Variants in RPTOR observed in about 807,000 individuals in gnomAD.
RPTOR encodes regulatory associated protein of MTOR complex 1.
In RPTOR, 21 loss-of-function variants were observed where a neutral mutation model predicts 169.9. The ratio of observed to expected loss-of-function variants is 0.12; its 90% confidence interval spans 0.09 to 0.18. The LOEUF (loss-of-function observed/expected upper bound fraction) is 0.18, where lower values mean the gene tolerates loss of function less well. Among genes scored for constraint, RPTOR ranks in the 10% least tolerant of loss-of-function variants. The pLI, the probability that RPTOR is intolerant of heterozygous loss-of-function variation, is 1.00. For missense variants in RPTOR, 1,133 were observed against 1,855.9 expected (o/e 0.61, Z 7.16); for synonymous variants, 732 against 753.2 (o/e 0.97, Z 0.46).
chr17:80,549,440 G>A (rs1358030595), intron 1 of RPTOR, among the ~76,000 whole-genome samples: 1 of 152,118 alleles, frequency 6.6e-6, no homozygotes, highest in Non-Finnish European at 1.5e-5. Flanking sequence ...CTCCCGAGTA[G>A]CTGGGATTAC....
intron 28 of RPTOR, among the ~76,000 whole-genome samples, chr17:80,956,005 C>T (rs1342354021): frequency 2.0e-5 from 3 of 152,144 alleles, no homozygotes; most frequent in Non-Finnish European, 2.9e-5. Flanking sequence ...TCCTCAAAGC[C>T]TAACATTAAA....
Position 80,811,957 on chromosome 17 carries a change from T to A in RPTOR, c.891-10244T>A, listed in dbSNP as rs1418460068. On this transcript the variant is annotated intron_variant, in intron 7 of 33. Coordinates refer to ENST00000306801, the MANE Select transcript of RPTOR (RefSeq NM_020761.3). Reference sequence around the variant, plus strand: ...CTCTCCAACAAGGCTTAAACCTCACTCCACCCGTGGGACACAGCCACAGCC... The same window carrying A: ...CTCTCCAACAAGGCTTAAACCTCACACCACCCGTGGGACACAGCCACAGCC... 4.0e-5 allele frequency among the ~76,000 whole-genome samples: 6 copies of A among 151,546 alleles called. No homozygotes were observed. In the East Asian group the frequency reaches 1.2e-3, roughly 30 times the overall value.
At chr17:80,601,444 G>A (rs2065186132) in intron 1 of RPTOR, among the ~76,000 whole-genome samples, 1 of 152,138 alleles carries the variant, frequency 6.6e-6, no homozygotes, top group African/African-American at 2.4e-5. Flanking sequence ...GGGATGGCTG[G>A]TCAGGCCCCG....
chr17:80,548,693 T>A (rs555440151), intron 1 of RPTOR, among the ~76,000 whole-genome samples: 1 of 152,028 alleles, frequency 6.6e-6, no homozygotes, highest in Non-Finnish European at 1.5e-5. Flanking sequence ...TTTTGACCAG[T>A]GGGTTACCTA....
At chr17:80,808,237 C>A (rs2067239125) in intron 7 of RPTOR, among the ~76,000 whole-genome samples, 1 of 152,076 alleles carries the variant, frequency 6.6e-6, no homozygotes, top group Non-Finnish European at 1.5e-5. Flanking sequence ...CCAGCCTGAG[C>A]AACATAGCAA....
chr17:80,961,806 C>A, intron 31 of RPTOR: 1 of 328,238 alleles, frequency 3.0e-6, no homozygotes, highest in South Asian at 5.8e-5. Flanking sequence ...GGCGCGTCTG[C>A]CAGGCACGTG....
intron 5 of RPTOR, among the ~76,000 whole-genome samples, chr17:80,733,341 A>T (rs117635805): frequency 0.057 from 8,701 of 152,328 alleles, 330 homozygotes; most frequent in Middle Eastern, 0.1. Context: ...CTCCGCTTTC[A>T]GTCTTCTTTT....
In RPTOR at chr17:80,708,623, G is replaced by GT. The variant is rs1478115313; in HGVS notation, c.507+625dup. Among the ~76,000 whole-genome samples, 10,757 of 135,766 alleles carry GT rather than the reference G, an allele frequency of 0.079. 716 individuals are homozygous for GT. Among genetic ancestry groups the GT allele is most frequent in the African/African-American group, 0.14 (4,343 of 31,732 alleles). The allele number at this position is 135,766 out of a possible 152,430, so 89.1% of individuals were successfully genotyped here. A position where few individuals can be genotyped will look rare whatever the true frequency, so the allele number is the denominator to read the frequency against. ...CTCCAGGGTGTGGTGGGTGCTGACT[G>GT]TCTCCTCATCCTCCAGGGTGTGGTG... On this transcript the variant is annotated intron_variant, in intron 4 of 33. Transcript: ENST00000306801. This position sits in a 1 kb window ranked among gnomAD's most constrained non-coding sequence, Gnocchi z 4.2.
At chr17:80,624,639 A>G (rs970809241) in intron 1 of RPTOR, among the ~76,000 whole-genome samples, 3 of 152,222 alleles carry the variant, frequency 2.0e-5, no homozygotes, top group Non-Finnish European at 4.4e-5. Context: ...CACACCTGTG[A>G]GTTTGGGGCA....
chr17:80,553,581 T>G (rs1483137966), intron 1 of RPTOR, among the ~76,000 whole-genome samples: 1 of 152,176 alleles, frequency 6.6e-6, no homozygotes, highest in Non-Finnish European at 1.5e-5. Context: ...TAGAATGAAA[T>G]GTGCCCACAT....
intron 6 of RPTOR, among the ~76,000 whole-genome samples, chr17:80,772,010 G>T (rs1289805208): frequency 2.0e-5 from 3 of 152,170 alleles, no homozygotes; most frequent in African/African-American, 7.2e-5. Context: ...TTGTAGAAAT[G>T]GGGTCTTGTT....
chr17:80,626,752 G>C (rs8077626), intron 2 of RPTOR, among the ~76,000 whole-genome samples: 110,544 of 146,786 alleles, frequency 0.75, 42,603 homozygotes, highest in African/African-American at 0.9. Context: ...GTAAAACATA[G>C]ACAACACAAA....
chr17:80,802,733 C>T (rs2067174241), intron 7 of RPTOR: 2 of 152,364 alleles, frequency 1.3e-5, no homozygotes, highest in Admixed American at 1.3e-4. Flanking sequence ...AGGTGCAGAG[C>T]GAGGAAGAGG....
intron 3 of RPTOR, among the ~76,000 whole-genome samples, chr17:80,685,628 T>TATATATATATATATATATATATATATATA (rs1491347361): frequency 8.8e-5 from 2 of 22,714 alleles, no homozygotes; most frequent in South Asian, 2.5e-3. Context: ...TATATATATA[T>TATATATATATATATATATATATATATATA]TTTTTTTTTT....
intron 14 of RPTOR, among the ~76,000 whole-genome samples, chr17:80,881,505 G>A (rs1178864567): frequency 6.6e-6 from 1 of 152,240 alleles, no homozygotes; most frequent in Non-Finnish European, 1.5e-5. Context: ...GAAGTTTTGA[G>A]GACACAGCCA....
At chr17:80,874,464 G>A (rs973168592) in intron 13 of RPTOR, among the ~76,000 whole-genome samples, 1 of 152,008 alleles carries the variant, frequency 6.6e-6, no homozygotes, top group Admixed American at 6.6e-5. Context: ...CAAAGTGCTG[G>A]GATTAGAATT....
intron 3 of RPTOR, among the ~76,000 whole-genome samples, chr17:80,657,453 T>C (rs1255288961): frequency 6.6e-6 from 1 of 152,248 alleles, no homozygotes; most frequent in Non-Finnish European, 1.5e-5. Context: ...ATAGCCAAAG[T>C]AACCAGCTGA....
rs1423615058 is a variant in RPTOR at position 80,623,694 on chromosome 17, C to T, written c.163-1997C>T. On this transcript the variant is annotated intron_variant, in intron 1 of 33. Coordinates refer to ENST00000306801, the MANE Select transcript of RPTOR (RefSeq NM_020761.3). ...AGGATTACAGGTGCACACCACCACG[C>T]CTGGCTAATTTTTATATTTTTAGTA... Among the ~76,000 whole-genome samples the T allele has an allele frequency of 2.0e-5, 3 of 151,888 alleles. No homozygotes were observed. In the East Asian group the frequency reaches 5.8e-4, roughly 29 times the overall value.
intron 11 of RPTOR, among the ~76,000 whole-genome samples, chr17:80,851,647 G>C (rs192855232): frequency 6.6e-6 from 1 of 152,354 alleles, no homozygotes; most frequent in Admixed American, 6.5e-5. Context: ...AGGCCCCCGC[G>C]TGTGTTTCAT....
Sources: gnomAD v4.1 joint callset for allele counts (sites outside exome capture counted in the v4.1 genomes callset) on GRCh38, gnomAD v4.1.1 for gene constraint, Gnocchi (gnomAD v3.1) non-coding constraint, MANE v1.5 for transcripts, NCBI Gene and HGNC (gene_info 2026-07-23, HGNC 2026-07-21) for gene names.